Variants in ANGPTL5 observed in about 807,000 individuals in gnomAD.
The protein encoded by ANGPTL5 is angiopoietin like 5, also known as angiopoietin-related protein 5.
Under a neutral mutation model 39.4 loss-of-function variants are expected in ANGPTL5, and 34 were observed. That is an observed-to-expected ratio of 0.86 (90% CI 0.66 to 1.15). ANGPTL5 has a LOEUF of 1.15. ANGPTL5 is among the 50% of genes most tolerant of loss of function. ANGPTL5 has a pLI of 0.00. For missense variants in ANGPTL5, 467 were observed against 457.5 expected (o/e 1.02, Z -0.19); for synonymous variants, 146 against 152.1 (o/e 0.96, Z 0.29).
chr11:101,895,983 A>T (rs543056660), intron 7 of ANGPTL5, among the ~76,000 whole-genome samples: 6 of 152,234 alleles, frequency 3.9e-5, no homozygotes, highest in Admixed American at 2.0e-4. Flanking sequence ...TTTTAGCAAC[A>T]CGCTCACTTA....
chr11:101,904,463 T>C (rs921211178), intron 5 of ANGPTL5, among the ~76,000 whole-genome samples: 8 of 152,210 alleles, frequency 5.3e-5, no homozygotes, highest in Non-Finnish European at 1.0e-4. Context: ...AAACATTTTT[T>C]ACAGGTGGGA....
chr11:101,912,483 T>C (rs1434303171), intron 1 of ANGPTL5, among the ~76,000 whole-genome samples: 1 of 152,168 alleles, frequency 6.6e-6, no homozygotes, highest in Non-Finnish European at 1.5e-5. Context: ...CCTTGGGCCC[T>C]GCCTTTCTAT....
At position 101,911,894 on chromosome 11, in the gene ANGPTL5, C is replaced by T. The variant is rs372836645; in HGVS notation, c.-92-3893G>A. 2.7e-4 allele frequency among the ~76,000 whole-genome samples: 41 copies of T among 152,298 alleles called. No individual in the cohort carries two copies. The East Asian group carries it at 4.6e-3, about 17-fold the overall frequency. ...CCTCACAGTCTTCTGTACTCACAGA[C>T]CCCTGTGCCCTTATTCTTCATCCAG... On this transcript the variant is annotated intron_variant, in intron 1 of 8. Coordinates refer to ENST00000334289, the MANE Select transcript of ANGPTL5 (RefSeq NM_178127.5).
intron 1 of ANGPTL5, chr11:101,914,963 G>A: frequency 1.0e-5 from 3 of 287,424 alleles, no homozygotes; most frequent in Non-Finnish European, 2.0e-5. Flanking sequence ...CGGGCACATC[G>A]TCCCGCCCCG....
intron 2 of ANGPTL5, 22 bp from the exon 3 acceptor site, chr11:101,907,269 T>C (rs1418212736): frequency 1.5e-6 from 2 of 1,365,524 alleles, no homozygotes; most frequent in East Asian, 2.5e-5. Flanking sequence ...AAAATAGAAA[T>C]AAGAAAAAAA....
intron 5 of ANGPTL5, among the ~76,000 whole-genome samples, chr11:101,903,690 T>C (rs1396702573): frequency 1.3e-5 from 2 of 152,162 alleles, no homozygotes; most frequent in East Asian, 3.8e-4. Flanking sequence ...GATATTCTTA[T>C]AATGACTTTA....
In ANGPTL5 at chr11:101,890,937, C is replaced by T. The variant is rs111275283; in HGVS notation, c.*342G>A. The T allele has an allele frequency of 1.1e-5, 2 of 177,016 alleles. No individual in the cohort carries two copies. Among genetic ancestry groups the T allele is most frequent in the South Asian group, 1.3e-4 (1 of 7,714 alleles). 11.0% of individuals were successfully genotyped at this position (177,016 alleles called of 1,614,324 possible). Reference sequence around the variant, plus strand: ...AAGTATAAAAATAAGTAAAATATTCCCTTCAATTTTCCTTACAACATATTA... The same window carrying T: ...AAGTATAAAAATAAGTAAAATATTCTCTTCAATTTTCCTTACAACATATTA... On this transcript the variant is annotated 3_prime_UTR_variant, in exon 9 of 9. Coordinates refer to ENST00000334289, the MANE Select transcript of ANGPTL5 (RefSeq NM_178127.5).
chr11:101,900,317 T>G (rs1939870728), intron 7 of ANGPTL5, 113 bp downstream of exon 7: 3 of 1,075,028 alleles, frequency 2.8e-6, no homozygotes, highest in Non-Finnish European at 4.1e-6. Context: ...TAAGTTATAT[T>G]TTGATATTTG....
At chr11:101,905,382 A>C (rs1168336394) in intron 4 of ANGPTL5, among the ~76,000 whole-genome samples, 2 of 152,198 alleles carry the variant, frequency 1.3e-5, no homozygotes, top group African/African-American at 2.4e-5. Flanking sequence ...TTTCCCCAGA[A>C]TGGAATGTCC....
chr11:101,898,180 G>A lies in ANGPTL5; in HGVS notation c.661+2250C>T, dbSNP rs947564765. ...AGAGGTTGCAGTGAGCCAAGATCAC[G>A]CCATTGCTCTCCAGCCTGGGCAACA... On this transcript the variant is annotated intron_variant, in intron 7 of 8. Transcript: ENST00000334289. 3.3e-5 allele frequency among the ~76,000 whole-genome samples: 5 copies of A among 152,182 alleles called. No homozygotes were observed. The East Asian group carries it at 9.6e-4, about 29-fold the overall frequency.
Position 101,891,600 on chromosome 11 carries a change from T to C in ANGPTL5, c.848-2A>G, listed in dbSNP as rs752130226. On this transcript the variant is annotated splice_acceptor_variant, in intron 8 of 8. Coordinates refer to ENST00000334289, the MANE Select transcript of ANGPTL5 (RefSeq NM_178127.5). LOFTEE classifies it high-confidence loss of function. ...TTTTGAGACCCCGGAATGCATCACCTGGGAAAAAAATTTTTAATGATCGAA... is the reference window on the plus strand; with the variant it reads ...TTTTGAGACCCCGGAATGCATCACCCGGGAAAAAAATTTTTAATGATCGAA... 1.2e-6 allele frequency: 2 copies of C among 1,613,604 alleles called. No individual in the cohort carries two copies. Among genetic ancestry groups the C allele is most frequent in the East Asian group, 4.5e-5 (2 of 44,880 alleles).
At chr11:101,892,578 T>C (rs1218062476) in intron 8 of ANGPTL5, among the ~76,000 whole-genome samples, 3 of 152,164 alleles carry the variant, frequency 2.0e-5, no homozygotes, top group Non-Finnish European at 4.4e-5. Context: ...AACCCTGCAA[T>C]GATTAAGTAT....
At chr11:101,892,920 A>T (rs745447794) in intron 8 of ANGPTL5, among the ~76,000 whole-genome samples, 2 of 152,186 alleles carry the variant, frequency 1.3e-5, no homozygotes, top group African/African-American at 2.4e-5. Context: ...TCTGCACTTC[A>T]TGGGAAACAA....
Position 101,894,871 on chromosome 11 carries a change from A to C in ANGPTL5, c.847+8T>G. On this transcript the variant is annotated splice_region_variant and intron_variant, in intron 8 of 8. Transcript: ENST00000334289. ...TCTGGATAATTTTAGGAATAAAAAA[A>C]ATCTTACCAGCATTTCCTGAATACC... 1.2e-6 allele frequency: 2 copies of C among 1,608,002 alleles called. No individual in the cohort carries two copies. The highest frequency in any genetic ancestry group is 1.7e-4 in the Middle Eastern group (1 of 6,052).
In ANGPTL5 at chr11:101,891,551, G is replaced by C; in HGVS notation, c.895C>G (p.Pro299Ala). The change falls in exon 9 of 9, where the codon CCT (proline) becomes GCT (alanine). Residue 299 changes from proline to alanine, a missense_variant. Transcript: ENST00000334289. ...TTATCAACATCTGATGTGCTAAAAGGCATTGCATTTTGATTATCTTCTTTT... is the reference window on the plus strand; with the variant it reads ...TTATCAACATCTGATGTGCTAAAAGCCATTGCATTTTGATTATCTTCTTTT... ...LKKEDNQNAM[P>A]FSTSDVDNDG... 1 of 1,613,954 alleles carries C rather than the reference G, an allele frequency of 6.2e-7. No homozygotes were observed. The highest frequency in any genetic ancestry group is 8.5e-7 in the Non-Finnish European group (1 of 1,179,958).
chr11:101,891,404 G>T lies in ANGPTL5; in HGVS notation c.1042C>A (p.His348Asn). 6.2e-7 allele frequency: 1 copy of T among 1,614,040 alleles called. No individual in the cohort carries two copies. The highest frequency in any genetic ancestry group is 8.5e-7 in the Non-Finnish European group (1 of 1,179,968). ...GTTGCAAGCAATTTTCCAGAGAAGTGATGAATGCCATTTAGATTTGCTAGA... is the reference window on the plus strand; with the variant it reads ...GTTGCAAGCAATTTTCCAGAGAAGTTATGAATGCCATTTAGATTTGCTAGA... ...CGLANLNGIH[H>N]FSGKLLATGI... is the part of the protein sequence containing the mutation. Residue 348 changes from histidine to asparagine, a missense_variant, in exon 9 of 9, where the codon CAC becomes AAC. Coordinates refer to ENST00000334289, the MANE Select transcript of ANGPTL5 (RefSeq NM_178127.5).
intron 1 of ANGPTL5, among the ~76,000 whole-genome samples, chr11:101,910,867 A>G (rs1940080239): frequency 6.6e-6 from 1 of 152,036 alleles, no homozygotes; most frequent in African/African-American, 2.4e-5. Flanking sequence ...CCTACAACCT[A>G]GTTTTCCCCA....
chr11:101,901,919 A>AAT (rs1939907091), intron 6 of ANGPTL5, among the ~76,000 whole-genome samples: 1 of 151,760 alleles, frequency 6.6e-6, no homozygotes, highest in Non-Finnish European at 1.5e-5. Flanking sequence ...TGCCCAGGAA[A>AAT]ATATATATAT....
intron 5 of ANGPTL5, 119 bp from the exon 6 acceptor site, chr11:101,902,840 T>C: frequency 1.6e-6 from 1 of 627,688 alleles, no homozygotes; most frequent in Non-Finnish European, 2.7e-6. Context: ...TATTTTAACT[T>C]CTTCAAAATG....
Sources: gnomAD v4.1 joint callset for allele counts (sites outside exome capture counted in the v4.1 genomes callset) on GRCh38, gnomAD v4.1.1 for gene constraint, MANE v1.5 for transcripts, NCBI Gene and HGNC (gene_info 2026-07-23, HGNC 2026-07-21) for gene names.